The following PCDHGA4 variants were observed in gnomAD, a reference collection of about 807,000 sequenced individuals.
PCDHGA4 encodes protocadherin gamma subfamily A, 4.
In PCDHGA4, 38 loss-of-function variants were observed where a neutral mutation model predicts 54.6. The ratio of observed to expected loss-of-function variants is 0.70; its 90% CI spans 0.54 to 0.91. The LOEUF (loss-of-function observed/expected upper bound fraction) is 0.91, where lower values mean the gene tolerates loss of function less well. PCDHGA4 is among the 40% of genes least tolerant of loss of function. The probability of loss-of-function intolerance (pLI) is 0.00; values close to 1 mark genes in which losing one functional copy is unlikely to be tolerated. For synonymous variants in PCDHGA4, 511 were observed against 512.9 expected (o/e 1.00, Z 0.05); for missense variants, 1,298 against 1,220.9 (o/e 1.06, Z -0.94).
intron 1 of PCDHGA4, chr5:141,378,833 C>T (rs1224132304): frequency 6.6e-6 from 1 of 152,128 alleles, no homozygotes; most frequent in East Asian, 1.9e-4. Context: ...GAACAGAAAA[C>T]AGCAGAGTTT....
At chr5:141,366,775 A>G (rs550477594) in intron 1 of PCDHGA4, 13 of 1,595,244 alleles carry the variant, frequency 8.1e-6, no homozygotes, top group African/African-American at 1.3e-5. Context: ...TTCGGTAAGG[A>G]TGACCAGAAC....
At chr5:141,421,960 C>G in intron 1 of PCDHGA4, 3 of 1,612,526 alleles carry the variant, frequency 1.9e-6, no homozygotes, top group Non-Finnish European at 2.5e-6. Context: ...AATGTTTACA[C>G]AGTCCGTATA....
chr5:141,399,618 G>A, intron 1 of PCDHGA4: 1 of 1,613,914 alleles, frequency 6.2e-7, no homozygotes, highest in Non-Finnish European at 8.5e-7. Context: ...CTCTGGCACT[G>A]GCCTCTTACG....
chr5:141,428,376 A>G (rs2097136159), intron 1 of PCDHGA4: 2 of 528,068 alleles, frequency 3.8e-6, no homozygotes, highest in African/African-American at 1.9e-5. Flanking sequence ...TGCACCTGCG[A>G]TGCTCTTCCA....
At position 141,487,905 on chromosome 5, in the gene PCDHGA4, G is replaced by A. The variant is rs1305989274; in HGVS notation, c.2515-6902G>A. The A allele has an allele frequency of 2.9e-6, 2 of 686,270 alleles. No individual in the cohort carries two copies. The highest frequency in any genetic ancestry group is 3.6e-5 in the African/African-American group (2 of 55,348). The allele number at this position is 686,270 out of a possible 1,614,324, so 42.5% of individuals were successfully genotyped here. ...GTGGAAGCATGATGATGGAATGTGG[G>A]AGCACAGGAGGCTACAGTGCACAGG... On this transcript the variant is annotated intron_variant, in intron 1 of 3. Coordinates refer to ENST00000571252, the MANE Select transcript of PCDHGA4 (RefSeq NM_018917.4). This position sits in a 1 kb window ranked among gnomAD's most constrained non-coding sequence, Gnocchi z 5.0.
At chr5:141,376,274 G>A (rs773118142) in intron 1 of PCDHGA4, 3 of 1,614,220 alleles carry the variant, frequency 1.9e-6, no homozygotes, top group Non-Finnish European at 1.7e-6. Flanking sequence ...TTCGGGAGGT[G>A]GCTTAGCGAG....
rs750182814 is a variant in PCDHGA4, at chr5:141,375,970, G to T, written c.2514+18349G>T. 15 of 1,613,334 alleles carry T rather than the reference G, an allele frequency of 9.3e-6. No homozygotes were observed. The South Asian group carries it at 1.6e-4, about 18-fold the overall frequency. Reference sequence around the variant, plus strand: ...TGCACACGGGCGAGGTGCGCACGGCGCGCGCCCTGCTGGACAGAGACGCGC... The same window carrying T: ...TGCACACGGGCGAGGTGCGCACGGCTCGCGCCCTGCTGGACAGAGACGCGC... On this transcript the variant is annotated intron_variant, in intron 1 of 3. Transcript: ENST00000571252.
intron 1 of PCDHGA4, chr5:141,371,822 C>T (rs3749776): frequency 0.026 from 42,283 of 1,613,860 alleles, 714 homozygotes; most frequent in East Asian, 0.041. Flanking sequence ...ATGTCAGAGC[C>T]TCGGATCCCG....
At chr5:141,444,659 C>G (rs2098443878) in intron 1 of PCDHGA4, among the ~76,000 whole-genome samples, 1 of 152,032 alleles carries the variant, frequency 6.6e-6, no homozygotes, top group African/African-American at 2.4e-5. Context: ...GAAGTTATTT[C>G]CCATTTTTTT....
At chr5:141,446,312 T>C (rs2098498076) in intron 1 of PCDHGA4, among the ~76,000 whole-genome samples, 1 of 152,208 alleles carries the variant, frequency 6.6e-6, no homozygotes, top group African/African-American at 2.4e-5. Flanking sequence ...GAGTGATTCC[T>C]GGGTTTCCAC....
Position 141,415,510 on chromosome 5 carries a change from T to C in PCDHGA4, c.2514+57889T>C, listed in dbSNP as rs780820182. On this transcript the variant is annotated intron_variant, in intron 1 of 3. Coordinates refer to ENST00000571252, the MANE Select transcript of PCDHGA4 (RefSeq NM_018917.4). ...TCACCTGATCTTCCCCCAGCCCAAT[T>C]ATGCGGACACGCTCATCAGCCAGGA... The C allele has an allele frequency of 2.5e-6, 4 of 1,614,088 alleles. No homozygotes were observed. The African/African-American group carries it at 5.3e-5, about 22-fold the overall frequency.
At chr5:141,440,859 T>C (rs1272611201) in intron 1 of PCDHGA4, 1 of 152,076 alleles carries the variant, frequency 6.6e-6, no homozygotes, top group Non-Finnish European at 1.5e-5. Context: ...CCTGTGTTCA[T>C]CTAGGATGTG....
At chr5:141,382,392 C>T (rs1778169191) in intron 1 of PCDHGA4, among the ~76,000 whole-genome samples, 1 of 152,092 alleles carries the variant, frequency 6.6e-6, no homozygotes, top group Non-Finnish European at 1.5e-5. Context: ...AACTGATTTT[C>T]CCATGTGCAA....
intron 1 of PCDHGA4, chr5:141,427,677 C>G: frequency 1.2e-6 from 1 of 816,672 alleles, no homozygotes; most frequent in Non-Finnish European, 2.1e-6. Context: ...AAACAACCTT[C>G]CCGGAGCCTC....
Position 141,357,269 on chromosome 5 carries a change from C to T in PCDHGA4, c.2162C>T (p.Thr721Ile). ...PSADPDDSGL[T>I]LYLVVAVAAV... ...GCAGACCCAGACGACTCGGGCCTCA[C>T]ACTCTATCTCGTGGTGGCAGTGGCC... Residue 721 changes from threonine (T) to isoleucine (I), a missense_variant, in exon 1 of 4, where the codon ACA becomes ATA. By Grantham distance (89) the Thr-to-Ile change is moderately conservative (BLOSUM62 -1). Coordinates refer to ENST00000571252, the MANE Select transcript of PCDHGA4 (RefSeq NM_018917.4). The T allele has an allele frequency of 6.2e-7, 1 of 1,613,812 alleles. No individual in the cohort carries two copies. The highest frequency in any genetic ancestry group is 8.5e-7 in the Non-Finnish European group (1 of 1,179,736).
rs1055747392 is a variant in PCDHGA4 at position 141,490,298 on chromosome 5, C to G, written c.2515-4509C>G. 6.2e-7 allele frequency: 1 copy of G among 1,614,178 alleles called. No individual in the cohort carries two copies. The highest frequency in any genetic ancestry group is 1.3e-5 in the African/African-American group (1 of 75,036). On this transcript the variant is annotated intron_variant, in intron 1 of 3. Transcript: ENST00000571252. The surrounding 1 kb of genome is among the most constrained non-coding windows in gnomAD (Gnocchi z 5.4). ...GACAATGCCCCAGAGGTGCTATTGG[C>G]CTCTTTGGCCAACCCTGTCCTAGAG...
intron 1 of PCDHGA4, chr5:141,376,138 C>G (rs1234340396): frequency 1.2e-6 from 2 of 1,613,948 alleles, no homozygotes; most frequent in South Asian, 2.2e-5. Context: ...CCAAACCCAA[C>G]GATTCGGACC....
At chr5:141,502,907 G>C (rs1335363561) in intron 2 of PCDHGA4, among the ~76,000 whole-genome samples, 2 of 138,924 alleles carry the variant, frequency 1.4e-5, no homozygotes, top group Non-Finnish European at 3.0e-5. Context: ...CTGTTGCCAG[G>C]CTGGAGTGCA....
At chr5:141,400,608 A>G in intron 1 of PCDHGA4, 1 of 1,580,872 alleles carries the variant, frequency 6.3e-7, no homozygotes, top group Admixed American at 1.7e-5. Flanking sequence ...TTTCAAGTCC[A>G]ATGAGTTGTC....
Sources: allele counts gnomAD v4.1 joint callset (sites outside exome capture counted in the v4.1 genomes callset), GRCh38; gene constraint gnomAD v4.1.1; non-coding constraint Gnocchi (gnomAD v3.1); transcripts MANE v1.5; gene names NCBI Gene and HGNC (gene_info 2026-07-23, HGNC 2026-07-21).